EPHB1: variants seen among roughly 807,000 people sequenced by gnomAD.
EPHB1 encodes the protein ephrin type-B receptor 1.
A neutral mutation model predicts 94.4 loss-of-function variants in EPHB1; 30 were observed. That is an observed-to-expected ratio of 0.32 (90% CI 0.24 to 0.43). The LOEUF (loss-of-function observed/expected upper bound fraction) is 0.43. EPHB1 is among the 20% of genes least tolerant of loss of function. The pLI is 1.00. For synonymous variants in EPHB1, 522 were observed against 489.1 expected (o/e 1.07, Z -0.89); for missense variants, 1,055 against 1,308.3 (o/e 0.81, Z 2.99).
chr3:135,021,404 A>G (rs1935983487), intron 3 of EPHB1, among the ~76,000 whole-genome samples: 1 of 152,074 alleles, frequency 6.6e-6, no homozygotes, highest in African/African-American at 2.4e-5. Context: ...GCCACAATTT[A>G]GGGCCTTCCC....
chr3:134,811,242 GTTTTTT>G lies in EPHB1; in HGVS notation c.58+15569_58+15574del, dbSNP rs397966930. On this transcript the variant is annotated intron_variant, in intron 1 of 15. Coordinates refer to ENST00000398015, the MANE Select transcript of EPHB1 (RefSeq NM_004441.5). ...TCTCATAGTTGCCCCTACTAAGAAG[GTTTTTT>G]TTTTTTTTTTTTTTTCTGTCTTGCT... 2.7e-4 allele frequency among the ~76,000 whole-genome samples: 20 copies of G among 73,850 alleles called. 2 individuals carry two copies. Among genetic ancestry groups the G allele is most frequent in the South Asian group, 1.8e-3 (3 of 1,666 alleles). The allele number at this position is 73,850 out of a possible 152,430, so 48.4% of individuals were successfully genotyped here. A position where few individuals can be genotyped will look rare whatever the true frequency, so the allele number is the denominator to read the frequency against.
intron 3 of EPHB1, among the ~76,000 whole-genome samples, chr3:135,063,021 C>A (rs1937535827): frequency 6.6e-6 from 1 of 152,046 alleles, no homozygotes. Context: ...TTTCTGGGTT[C>A]TCTTTTGTGT....
intron 9 of EPHB1, among the ~76,000 whole-genome samples, chr3:135,170,421 G>A (rs1197630741): frequency 1.3e-5 from 2 of 150,180 alleles, no homozygotes; most frequent in Admixed American, 6.6e-5. Context: ...AAAGAGACTA[G>A]CTGGAAAGCA....
chr3:134,923,925 C>T (rs2038738733), intron 1 of EPHB1, among the ~76,000 whole-genome samples: 1 of 152,154 alleles, frequency 6.6e-6, no homozygotes, highest in South Asian at 2.1e-4. Flanking sequence ...TTATATTGTA[C>T]CCTTCCCTGT....
At chr3:135,039,684 C>T (rs1936770039) in intron 3 of EPHB1, among the ~76,000 whole-genome samples, 1 of 152,232 alleles carries the variant, frequency 6.6e-6, no homozygotes, top group Non-Finnish European at 1.5e-5. Flanking sequence ...GCTAAGTCCC[C>T]CCTTGCTCGG....
chr3:135,122,811 G>A (rs545720238), intron 4 of EPHB1, among the ~76,000 whole-genome samples: 18 of 152,312 alleles, frequency 1.2e-4, no homozygotes, highest in Non-Finnish European at 2.5e-4. Flanking sequence ...GCTCTTTGAT[G>A]CTCCTGAAAT....
At chr3:135,031,383 C>G (rs1936461982) in intron 3 of EPHB1, among the ~76,000 whole-genome samples, 1 of 152,198 alleles carries the variant, frequency 6.6e-6, no homozygotes, top group Non-Finnish European at 1.5e-5. Flanking sequence ...GGTCTCAGCT[C>G]ACTGCAACTT....
chr3:134,953,635 T>G (rs1181902575), intron 3 of EPHB1, among the ~76,000 whole-genome samples: 1 of 152,166 alleles, frequency 6.6e-6, no homozygotes, highest in African/African-American at 2.4e-5. Context: ...GGTGGGTGAT[T>G]TCTTTGGTTT....
chr3:135,191,902 G>T (rs1200190139), intron 10 of EPHB1, among the ~76,000 whole-genome samples: 1 of 152,220 alleles, frequency 6.6e-6, no homozygotes. Context: ...AGCATGGCAG[G>T]GATGTGAGGG....
intron 3 of EPHB1, among the ~76,000 whole-genome samples, chr3:135,037,287 A>G (rs1323123489): frequency 6.6e-6 from 1 of 152,218 alleles, no homozygotes; most frequent in Non-Finnish European, 1.5e-5. Flanking sequence ...CTGGGATCAG[A>G]CTGTGGCCTC....
intron 3 of EPHB1, among the ~76,000 whole-genome samples, chr3:135,065,064 A>C (rs1160857815): frequency 2.6e-5 from 4 of 152,018 alleles, no homozygotes; most frequent in African/African-American, 9.7e-5. Flanking sequence ...GGTCTGAGAG[A>C]GTGCCTGATA....
chr3:134,904,216 G>T (rs917410457), intron 1 of EPHB1, among the ~76,000 whole-genome samples: 3 of 152,208 alleles, frequency 2.0e-5, no homozygotes, highest in Non-Finnish European at 2.9e-5. Flanking sequence ...TCTTTCTGAG[G>T]CTGGATTCTG....
intron 10 of EPHB1, among the ~76,000 whole-genome samples, chr3:135,184,529 A>G (rs927939912): frequency 2.6e-5 from 4 of 152,192 alleles, no homozygotes; most frequent in African/African-American, 7.2e-5. Context: ...TTGGTCTGGT[A>G]CCTGGCCTAG....
At chr3:134,980,937 G>C (rs778537894) in intron 3 of EPHB1, among the ~76,000 whole-genome samples, 8 of 152,164 alleles carry the variant, frequency 5.3e-5, no homozygotes, top group Non-Finnish European at 1.0e-4. Flanking sequence ...AGAAGCCAAA[G>C]AAACAGATTC....
Position 135,049,860 on chromosome 3 carries a change from C to A in EPHB1, c.806-56588C>A, listed in dbSNP as rs555045394. Among the ~76,000 whole-genome samples the A allele has an allele frequency of 8.0e-4, 122 of 152,320 alleles. 2 individuals carry two copies. The Middle Eastern group carries it at 0.017, about 21-fold the overall frequency. On this transcript the variant is annotated intron_variant, in intron 3 of 15. Coordinates refer to ENST00000398015, the MANE Select transcript of EPHB1 (RefSeq NM_004441.5). ...ACAGCTTGTGGACTAACTTCTGGAC[C>A]TGTGAAGTCTGTGCTCTGAGTGTTT...
intron 3 of EPHB1, among the ~76,000 whole-genome samples, chr3:134,989,487 ACG>A (rs906648426): frequency 1.6e-5 from 2 of 127,286 alleles, no homozygotes; most frequent in African/African-American, 3.4e-5. Context: ...CTGCACACGC[ACG>A]CGCGCGTGCA....
At chr3:135,238,103 A>G (rs1319301286) in intron 12 of EPHB1, among the ~76,000 whole-genome samples, 2 of 152,202 alleles carry the variant, frequency 1.3e-5, no homozygotes, top group Non-Finnish European at 2.9e-5. Context: ...AATCATCACC[A>G]TGATTACCTC....
chr3:135,051,936 G>A (rs1038029144), intron 3 of EPHB1, among the ~76,000 whole-genome samples: 2 of 152,144 alleles, frequency 1.3e-5, no homozygotes, highest in African/African-American at 2.4e-5. Flanking sequence ...ACTGAGGAAG[G>A]CGAGATATGA....
Position 134,950,435 on chromosome 3 carries a change from T to G in EPHB1, c.124-936T>G, listed in dbSNP as rs551320594. 6.6e-5 allele frequency among the ~76,000 whole-genome samples: 10 copies of G among 152,374 alleles called. No individual in the cohort carries two copies. In the East Asian group the frequency reaches 1.9e-3, roughly 29 times the overall value. ...TCTTTGCATTAGTCCACTCTTGCAT[T>G]GCTATAAAGAAACAACTGAGCTGAG... On this transcript the variant is annotated intron_variant, in intron 2 of 15. Transcript: ENST00000398015.
Sources: gnomAD v4.1 joint callset for allele counts (sites outside exome capture counted in the v4.1 genomes callset) on GRCh38, gnomAD v4.1.1 for gene constraint, MANE v1.5 for transcripts, NCBI Gene and HGNC (gene_info 2026-07-23, HGNC 2026-07-21) for gene names.